JPH3: variants seen among roughly 807,000 people sequenced by gnomAD.
The protein encoded by JPH3 is junctophilin-3.
Under a neutral mutation model 59.6 loss-of-function variants are expected in JPH3, and 11 were observed. That is an observed-to-expected ratio of 0.18 (90% CI 0.12 to 0.31). The LOEUF (loss-of-function observed/expected upper bound fraction) is 0.31. Among genes scored for constraint, JPH3 ranks in the 10% least tolerant of loss-of-function variants. The probability of loss-of-function intolerance (pLI) is 1.00; values close to 1 mark genes in which losing one functional copy is unlikely to be tolerated. For synonymous variants in JPH3, 673 were observed against 483.6 expected (o/e 1.39, Z -5.14); for missense variants, 1,202 against 1,105.7 (o/e 1.09, Z -1.24).
chr16:87,690,274 C>A lies in JPH3; in HGVS notation c.1914C>A (p.Gly638=). ...ACAGCAAGGGCGGCGCCTGCCGGGG[C>A]TTGGGGGACGACCACCGCCCCGAGG... ...RRYSKGGACR[G]LGDDHRPEDR... The change falls in exon 4 of 5, where the codon GGC becomes GGA. Residue 638 remains glycine, a synonymous_variant. Transcript: ENST00000284262. 3 of 1,601,846 alleles carry A rather than the reference C, an allele frequency of 1.9e-6. No individual in the cohort carries two copies. Among genetic ancestry groups the A allele is most frequent in the Non-Finnish European group, 2.6e-6 (3 of 1,174,620 alleles).
At chr16:87,678,560 A>G (rs961805896) in intron 2 of JPH3, among the ~76,000 whole-genome samples, 1 of 152,078 alleles carries the variant, frequency 6.6e-6, no homozygotes, top group Non-Finnish European at 1.5e-5. Flanking sequence ...CAATATATAT[A>G]TATGTGTGTG....
chr16:87,612,868 A>C (rs2030782302), intron 1 of JPH3, among the ~76,000 whole-genome samples: 3 of 151,420 alleles, frequency 2.0e-5, no homozygotes, highest in Non-Finnish European at 2.9e-5. Context: ...AATACAAAAA[A>C]AATATTAGCT....
intron 1 of JPH3, among the ~76,000 whole-genome samples, chr16:87,641,419 A>G (rs530989283): frequency 1.3e-5 from 2 of 152,278 alleles, no homozygotes; most frequent in South Asian, 2.1e-4. Context: ...TGCCTCCCCA[A>G]GCAGCTTTGG....
chr16:87,688,832 A>G (rs1340957959), intron 3 of JPH3, among the ~76,000 whole-genome samples: 1 of 152,182 alleles, frequency 6.6e-6, no homozygotes, highest in African/African-American at 2.4e-5. Context: ...AAAGTCGGGC[A>G]TGGCTCCCGT....
At chr16:87,689,025 G>C (rs2033487667) in intron 3 of JPH3, among the ~76,000 whole-genome samples, 1 of 152,258 alleles carries the variant, frequency 6.6e-6, no homozygotes, top group African/African-American at 2.4e-5. Context: ...GACTCTGCTG[G>C]CTGCAGAGCT....
At chr16:87,632,647 C>G (rs1313046333) in intron 1 of JPH3, among the ~76,000 whole-genome samples, 2 of 152,312 alleles carry the variant, frequency 1.3e-5, no homozygotes, top group African/African-American at 4.8e-5. Flanking sequence ...AATCCCAGCA[C>G]TTTGGGAGGC....
chr16:87,687,889 G>A (rs2033457020), intron 3 of JPH3, among the ~76,000 whole-genome samples: 1 of 152,158 alleles, frequency 6.6e-6, no homozygotes, highest in Non-Finnish European at 1.5e-5. Flanking sequence ...TAGGTCCATA[G>A]CGTCTAAGGC....
chr16:87,652,305 C>G (rs1053606550), intron 2 of JPH3, among the ~76,000 whole-genome samples: 1 of 152,212 alleles, frequency 6.6e-6, no homozygotes, highest in Non-Finnish European at 1.5e-5. Flanking sequence ...GCCTTCGGCA[C>G]TCACCACGCT....
intron 1 of JPH3, among the ~76,000 whole-genome samples, chr16:87,627,792 C>G (rs899512004): frequency 6.6e-6 from 1 of 152,208 alleles, no homozygotes; most frequent in African/African-American, 2.4e-5. Flanking sequence ...CCACCCATGC[C>G]GGTGGGCGGG....
intron 2 of JPH3, among the ~76,000 whole-genome samples, chr16:87,648,018 G>T (rs1033571423): frequency 1.3e-5 from 2 of 152,202 alleles, no homozygotes; most frequent in Admixed American, 6.5e-5. Context: ...TAGTGGCCTC[G>T]GCGTGGGGCC....
Position 87,690,478 on chromosome 16 carries a change from C to G in JPH3, c.2118C>G (p.Val706=), listed in dbSNP as rs1486453501. The G allele has an allele frequency of 2.7e-6, 4 of 1,487,970 alleles. No individual in the cohort carries two copies. The highest frequency in any genetic ancestry group is 2.5e-5 in the Admixed American group (1 of 40,464). 92.2% of individuals were successfully genotyped at this position (1,487,970 alleles called of 1,614,324 possible). ...CCCCGCCCCAGAAATCCTTGCCTGT[C>G]GCTCTAGAGTCCGACGAGGAGAATG... ...TFSPPQKSLP[V]ALESDEENGD... is the part of the protein sequence containing the mutation. The change falls in exon 4 of 5, where the codon GTC becomes GTG. Residue 706 remains valine, a synonymous_variant. Transcript: ENST00000284262.
intron 1 of JPH3, among the ~76,000 whole-genome samples, chr16:87,620,479 A>AGAGAGGGAGAGGGGGAGAGG (rs1263775669): frequency 1.5e-4 from 16 of 103,706 alleles, no homozygotes; most frequent in East Asian, 6.3e-4. Context: ...AGAAGGAGAG[A>AGAGAGGGAGAGGGGGAGAGG]AGAGAGGGAG....
chr16:87,652,267 G>A (rs8044234), intron 2 of JPH3, among the ~76,000 whole-genome samples: 3,436 of 152,234 alleles, frequency 0.023, 100 homozygotes, highest in African/African-American at 0.079. Context: ...GAGCCACCGC[G>A]CCCAGCCTGT....
At chr16:87,687,561 C>T (rs921273560) in intron 3 of JPH3, among the ~76,000 whole-genome samples, 1 of 152,230 alleles carries the variant, frequency 6.6e-6, no homozygotes, top group Non-Finnish European at 1.5e-5. Flanking sequence ...CGGTGCCATC[C>T]GCCCCCGCCC....
At chr16:87,655,469 T>C (rs759201087) in intron 2 of JPH3, among the ~76,000 whole-genome samples, 66 of 152,158 alleles carry the variant, frequency 4.3e-4, no homozygotes, top group Non-Finnish European at 8.7e-4. Context: ...TCCTCCCACC[T>C]CAGCCTCCTG....
chr16:87,645,057 G>A (rs1246640247), intron 2 of JPH3, 22 bp downstream of exon 2: 6 of 1,585,390 alleles, frequency 3.8e-6, no homozygotes, highest in Admixed American at 1.7e-5. Flanking sequence ...AGGGGGCGGG[G>A]GGCCCTTCTT....
chr16:87,683,670 G>A lies in JPH3; in HGVS notation c.1161-472G>A, dbSNP rs543012809. On this transcript the variant is annotated intron_variant, in intron 2 of 4. Transcript: ENST00000284262. ...TACCCAAGCTGGAGTGCAGTGACGC[G>A]ATCTCAGCTCACTGCAACCTCCACC... 5.3e-5 allele frequency among the ~76,000 whole-genome samples: 8 copies of A among 151,014 alleles called. No individual in the cohort carries two copies. In the South Asian group the frequency reaches 1.0e-3, roughly 20 times the overall value.
intron 1 of JPH3, among the ~76,000 whole-genome samples, chr16:87,631,205 T>G (rs898227979): frequency 1.2e-4 from 19 of 152,172 alleles, no homozygotes; most frequent in African/African-American, 4.6e-4. Context: ...TTTTCCTGGG[T>G]ATTTCCTTCA....
rs1013225772 is a variant in JPH3 at position 87,611,031 on chromosome 16, C to A, written c.382+7503C>A. 3.3e-5 allele frequency among the ~76,000 whole-genome samples: 5 copies of A among 152,204 alleles called. No individual in the cohort carries two copies. The highest frequency in any genetic ancestry group is 5.9e-5 in the Non-Finnish European group (4 of 68,036). On this transcript the variant is annotated intron_variant, in intron 1 of 4. Transcript: ENST00000284262. This position sits in a 1 kb window ranked among gnomAD's most constrained non-coding sequence, Gnocchi z 4.5. ...CAAAGACAGAAAAGCTCAGGTCCAA[C>A]CTCAGTGAATCAGCCTTAAGTATTT...
Sources: gnomAD v4.1 joint callset for allele counts (sites outside exome capture counted in the v4.1 genomes callset) on GRCh38, gnomAD v4.1.1 for gene constraint, Gnocchi (gnomAD v3.1) non-coding constraint, MANE v1.5 for transcripts, NCBI Gene and HGNC (gene_info 2026-07-23, HGNC 2026-07-21) for gene names.